The following GULP1 variants were observed in gnomAD, a reference collection of about 807,000 sequenced individuals.
GULP1 encodes GULP PTB domain containing engulfment adaptor 1.
Under a neutral mutation model 40.9 loss-of-function variants are expected in GULP1, and 19 were observed. The ratio of observed to expected loss-of-function variants is 0.46; its 90% CI spans 0.32 to 0.68. The LOEUF is 0.68. Ranked by LOEUF, GULP1 falls within the 30% of genes least tolerant of loss-of-function variation. The pLI is 0.03. For synonymous variants in GULP1, 119 were observed against 117.6 expected, an observed-to-expected ratio of 1.01 and a Z score of -0.08; for missense variants, 312 against 362.2, an observed-to-expected ratio of 0.86 and a Z score of 1.12.
At chr2:188,544,870 A>G (rs1440315562) in intron 7 of GULP1, among the ~76,000 whole-genome samples, 2 of 152,046 alleles carry the variant, frequency 1.3e-5, no homozygotes. Context: ...ACATCAACCT[A>G]TAGATCTAAA....
chr2:188,449,576 A>G (rs985110720), intron 2 of GULP1, among the ~76,000 whole-genome samples: 1 of 152,226 alleles, frequency 6.6e-6, no homozygotes, highest in Non-Finnish European at 1.5e-5. Context: ...GTGAGATATC[A>G]TTACTTCCAT....
chr2:188,573,397 A>G (rs1037638683), intron 9 of GULP1, among the ~76,000 whole-genome samples: 1 of 152,238 alleles, frequency 6.6e-6, no homozygotes, highest in East Asian at 1.9e-4. Context: ...TGAATTTGAA[A>G]AACAGACAAT....
intron 4 of GULP1, among the ~76,000 whole-genome samples, chr2:188,498,262 T>C (rs532335406): frequency 2.0e-5 from 3 of 151,976 alleles, no homozygotes; most frequent in African/African-American, 7.2e-5. Flanking sequence ...GATAAAGAAT[T>C]AACACAACAC....
chr2:188,391,767 T>G (rs2050557515), intron 2 of GULP1, among the ~76,000 whole-genome samples: 2 of 152,106 alleles, frequency 1.3e-5, no homozygotes, highest in African/African-American at 4.8e-5. Context: ...GCTTTTATTA[T>G]TTTGAGGTAT....
At chr2:188,378,842 G>T (rs1451390510) in intron 1 of GULP1, among the ~76,000 whole-genome samples, 2 of 152,128 alleles carry the variant, frequency 1.3e-5, no homozygotes, top group Non-Finnish European at 2.9e-5. Flanking sequence ...GAGGTTTGGA[G>T]GGTGAAATAG....
At chr2:188,480,072 C>T (rs2061329504) in intron 3 of GULP1, among the ~76,000 whole-genome samples, 1 of 152,054 alleles carries the variant, frequency 6.6e-6, no homozygotes. Flanking sequence ...AATCCTGACT[C>T]TATCATTTGG....
intron 2 of GULP1, among the ~76,000 whole-genome samples, chr2:188,398,910 GA>G (rs1323184634): frequency 3.9e-5 from 6 of 152,168 alleles, no homozygotes; most frequent in Admixed American, 6.5e-5. Flanking sequence ...TACAATGCAT[GA>G]AAAAATGGAA....
chr2:188,435,625 G>A (rs1198906430), intron 2 of GULP1, among the ~76,000 whole-genome samples: 4 of 152,002 alleles, frequency 2.6e-5, no homozygotes, highest in South Asian at 2.1e-4. Flanking sequence ...TGTCCTTGGC[G>A]TAGGGTATCA....
chr2:188,361,518 G>A (rs1159097428), intron 1 of GULP1, among the ~76,000 whole-genome samples: 1 of 152,076 alleles, frequency 6.6e-6, no homozygotes, highest in Non-Finnish European at 1.5e-5. Flanking sequence ...GCGTGGAAAT[G>A]ATGTGATATT....
chr2:188,297,027 C>T (rs1175120072), intron 1 of GULP1, among the ~76,000 whole-genome samples: 1 of 151,734 alleles, frequency 6.6e-6, no homozygotes, highest in Admixed American at 6.6e-5. Context: ...TGATGTTTCT[C>T]TATTTGTGCT....
intron 7 of GULP1, among the ~76,000 whole-genome samples, chr2:188,550,576 C>G (rs2153371506): frequency 6.6e-6 from 1 of 151,558 alleles, no homozygotes; most frequent in East Asian, 1.9e-4. Context: ...TAAAATAAGG[C>G]AAAGTTTAAA....
chr2:188,522,765 A>G lies in GULP1; in HGVS notation c.100A>G (p.Ser34Gly). The change falls in exon 5 of 12, where the codon AGT becomes GGT. Residue 34 changes from serine (S) to glycine (G), a missense_variant. Transcript: ENST00000409830. ...FIPYNAKFLG[S>G]TEVEQPKGTE... The stretch of plus-strand genomic sequence containing the variant: ...AAATGACCATTTTCAGTTTCTTGGC[A>G]GTACAGAAGTGGAACAGCCAAAAGG... 6.2e-7 allele frequency: 1 copy of G among 1,607,894 alleles called. No homozygotes were observed.
intron 9 of GULP1, among the ~76,000 whole-genome samples, chr2:188,576,752 C>A (rs562847634): frequency 1.4e-3 from 209 of 152,176 alleles, no homozygotes; most frequent in African/African-American, 4.5e-3. Flanking sequence ...TTATTTTATA[C>A]AGTCACTTAG....
At chr2:188,323,449 G>A (rs1010647953) in intron 1 of GULP1, among the ~76,000 whole-genome samples, 1 of 151,816 alleles carries the variant, frequency 6.6e-6, no homozygotes, top group African/African-American at 2.4e-5. Flanking sequence ...AGTTGCAGTT[G>A]GCAATAAATG....
chr2:188,512,280 G>T (rs941595749), intron 4 of GULP1, among the ~76,000 whole-genome samples: 6 of 151,900 alleles, frequency 3.9e-5, no homozygotes, highest in Non-Finnish European at 7.4e-5. Context: ...AAAATAATGA[G>T]AATATTCATT....
chr2:188,522,133 GTT>G (rs1575762084), intron 4 of GULP1, among the ~76,000 whole-genome samples: 1 of 152,082 alleles, frequency 6.6e-6, no homozygotes, highest in East Asian at 1.9e-4. Flanking sequence ...GATCATGTAT[GTT>G]TTATTTCTTT....
chr2:188,567,424 A>G (rs1010884506), intron 7 of GULP1, among the ~76,000 whole-genome samples: 3 of 152,240 alleles, frequency 2.0e-5, no homozygotes, highest in African/African-American at 7.2e-5. Context: ...AAGGTGGTAC[A>G]TATATCCCAT....
chr2:188,386,638 G>GT (rs1460233153), intron 2 of GULP1, among the ~76,000 whole-genome samples: 1 of 151,956 alleles, frequency 6.6e-6, no homozygotes, highest in Non-Finnish European at 1.5e-5. Flanking sequence ...GTTTGCATTA[G>GT]TAGCATTACT....
At chr2:188,468,443 A>G (rs2060308574) in intron 2 of GULP1, among the ~76,000 whole-genome samples, 1 of 152,178 alleles carries the variant, frequency 6.6e-6, no homozygotes, top group Non-Finnish European at 1.5e-5. Flanking sequence ...AATAAAGTGT[A>G]TATGATTTCA....
Sources: allele counts gnomAD v4.1 joint callset (sites outside exome capture counted in the v4.1 genomes callset), GRCh38; gene constraint gnomAD v4.1.1; transcripts MANE v1.5; gene names NCBI Gene and HGNC (gene_info 2026-07-23, HGNC 2026-07-21).